ARHGAP24: variants seen among roughly 807,000 people sequenced by gnomAD.
ARHGAP24 encodes the protein rho GTPase-activating protein 24.
Under a neutral mutation model 76.4 loss-of-function variants are expected in ARHGAP24, and 50 were observed. The observed-to-expected ratio is 0.65, with a 90% CI of 0.52 to 0.83. ARHGAP24 has a LOEUF of 0.83. Ranked by LOEUF, ARHGAP24 falls within the 40% of genes least tolerant of loss-of-function variation. The probability of loss-of-function intolerance (pLI) is 0.00; values close to 1 mark genes in which losing one functional copy is unlikely to be tolerated. For synonymous variants in ARHGAP24, 345 were observed against 323.3 expected (o/e 1.07, Z -0.72); for missense variants, 930 against 914.2 (o/e 1.02, Z -0.22).
chr4:85,624,091 G>C (rs989730850), intron 2 of ARHGAP24, among the ~76,000 whole-genome samples: 3 of 152,042 alleles, frequency 2.0e-5, no homozygotes, highest in Non-Finnish European at 2.9e-5. Flanking sequence ...CTTCTCCTGA[G>C]TGATTGCCCT....
intron 5 of ARHGAP24, among the ~76,000 whole-genome samples, chr4:85,950,956 A>G (rs1394712279): frequency 2.0e-5 from 3 of 152,184 alleles, no homozygotes; most frequent in African/African-American, 7.2e-5. Context: ...TAGGATTAAC[A>G]GGTGTGCACC....
chr4:85,597,228 G>T (rs1054229171), intron 2 of ARHGAP24, among the ~76,000 whole-genome samples: 4 of 152,040 alleles, frequency 2.6e-5, no homozygotes, highest in Admixed American at 6.6e-5. Flanking sequence ...GATATGAATT[G>T]GTTGTCAGGA....
chr4:85,606,200 G>A (rs1311719766), intron 2 of ARHGAP24, among the ~76,000 whole-genome samples: 4 of 152,170 alleles, frequency 2.6e-5, no homozygotes, highest in Non-Finnish European at 5.9e-5. Context: ...GGGGCATTTA[G>A]GATTTCCATA....
At chr4:85,752,851 A>G (rs1209245406) in intron 3 of ARHGAP24, among the ~76,000 whole-genome samples, 1 of 152,228 alleles carries the variant, frequency 6.6e-6, no homozygotes, top group Admixed American at 6.5e-5. Context: ...AATAAATGTT[A>G]ACATTGATTT....
chr4:85,978,122 G>T (rs1739444569), intron 8 of ARHGAP24, among the ~76,000 whole-genome samples: 3 of 152,142 alleles, frequency 2.0e-5, no homozygotes. Flanking sequence ...TTGTTTATTT[G>T]TAGGTTAAAA....
chr4:85,959,535 T>A (rs376882464), intron 5 of ARHGAP24, among the ~76,000 whole-genome samples: 2 of 152,166 alleles, frequency 1.3e-5, no homozygotes, highest in Non-Finnish European at 2.9e-5. Flanking sequence ...ATATCAGTAG[T>A]TTTTCCCTTT....
intron 2 of ARHGAP24, among the ~76,000 whole-genome samples, chr4:85,686,931 G>C (rs1326879486): frequency 6.6e-6 from 1 of 151,950 alleles, no homozygotes; most frequent in African/African-American, 2.4e-5. Context: ...CTGAGTAAAG[G>C]AGCCCTTGCC....
At chr4:85,673,188 T>G (rs1233349500) in intron 2 of ARHGAP24, among the ~76,000 whole-genome samples, 6 of 152,102 alleles carry the variant, frequency 3.9e-5, no homozygotes, top group Non-Finnish European at 7.4e-5. Flanking sequence ...TCAAGTGCAC[T>G]TCCCTTTAGT....
At chr4:85,718,269 G>A (rs746183176) in intron 2 of ARHGAP24, among the ~76,000 whole-genome samples, 2 of 152,086 alleles carry the variant, frequency 1.3e-5, no homozygotes, top group Non-Finnish European at 2.9e-5. Context: ...TTTTAAAAAT[G>A]ATGTAGATGA....
chr4:85,861,042 A>T (rs949029811), intron 3 of ARHGAP24, among the ~76,000 whole-genome samples: 1 of 151,558 alleles, frequency 6.6e-6, no homozygotes, highest in Non-Finnish European at 1.5e-5. Flanking sequence ...TTTCAAACAT[A>T]ATCCTCCCAC....
chr4:85,676,297 A>T (rs888387343), intron 2 of ARHGAP24, among the ~76,000 whole-genome samples: 1 of 152,206 alleles, frequency 6.6e-6, no homozygotes, highest in Non-Finnish European at 1.5e-5. Context: ...CTTGCAACAA[A>T]AAGCCATATC....
intron 3 of ARHGAP24, among the ~76,000 whole-genome samples, chr4:85,817,682 C>G (rs974965064): frequency 6.6e-6 from 1 of 152,146 alleles, no homozygotes; most frequent in South Asian, 2.1e-4. Flanking sequence ...GTAAAAAGTA[C>G]AGTGAAGGTA....
rs1477284070 is a variant in ARHGAP24, at chr4:85,815,269, T to C, written c.268+93297T>C. 2.6e-5 allele frequency among the ~76,000 whole-genome samples: 4 copies of C among 152,228 alleles called. No homozygotes were observed. In the South Asian group the frequency reaches 6.2e-4, roughly 24 times the overall value. ...ATAACATTTGGCTTCTCATTACCTA[T>C]GCAAATTTCTGCATCTTGAATTTCT... On this transcript the variant is annotated intron_variant, in intron 3 of 9. Coordinates refer to ENST00000395184, the MANE Select transcript of ARHGAP24 (RefSeq NM_001025616.3).
chr4:85,592,915 T>C (rs1728175937), intron 2 of ARHGAP24, among the ~76,000 whole-genome samples: 1 of 152,184 alleles, frequency 6.6e-6, no homozygotes, highest in Non-Finnish European at 1.5e-5. Context: ...TTCCAATTCT[T>C]GGCTATTGTG....
intron 2 of ARHGAP24, among the ~76,000 whole-genome samples, chr4:85,621,185 G>A (rs1720706556): frequency 6.6e-6 from 1 of 151,982 alleles, no homozygotes; most frequent in Admixed American, 6.6e-5. Flanking sequence ...CCACTGATAG[G>A]CACCTAGGTT....
chr4:85,497,038 T>C (rs1419397707), intron 1 of ARHGAP24, among the ~76,000 whole-genome samples: 1 of 152,100 alleles, frequency 6.6e-6, no homozygotes, highest in Non-Finnish European at 1.5e-5. Context: ...ATGCCCCGAG[T>C]TTAGTGTGAA....
chr4:85,626,260 G>T (rs1720949971), intron 2 of ARHGAP24, among the ~76,000 whole-genome samples: 1 of 152,166 alleles, frequency 6.6e-6, no homozygotes, highest in African/African-American at 2.4e-5. Context: ...TTTTAGGGCA[G>T]GCCTGGTGGT....
At chr4:85,550,417 G>A (rs1242221344) in intron 1 of ARHGAP24, among the ~76,000 whole-genome samples, 3 of 152,088 alleles carry the variant, frequency 2.0e-5, no homozygotes, top group Admixed American at 2.0e-4. Flanking sequence ...ATCTGTTTTT[G>A]TAACAATATC....
At chr4:85,854,135 C>CAAAAAAAAA (rs35799327) in intron 3 of ARHGAP24, among the ~76,000 whole-genome samples, 480 of 84,894 alleles carry the variant, frequency 5.7e-3, no homozygotes, top group Middle Eastern at 0.032. Flanking sequence ...GACTCTGTCT[C>CAAAAAAAAA]AAAAAAAAAA....
Sources: allele counts gnomAD v4.1 joint callset (sites outside exome capture counted in the v4.1 genomes callset), GRCh38; gene constraint gnomAD v4.1.1; transcripts MANE v1.5; gene names NCBI Gene and HGNC (gene_info 2026-07-23, HGNC 2026-07-21).